QTGAL: variants seen among roughly 807,000 people sequenced by gnomAD.
QTGAL encodes queuosine-tRNA galactosyltransferase.
the QTGAL span, among the ~76,000 whole-genome samples, chr17:83,012,798 T>G: frequency 1.1e-4 from 17 of 151,792 alleles, no homozygotes; most frequent in African/African-American, 3.9e-4. Flanking sequence ...TTCCCCCTAT[T>G]CCCCACAAAG....
At chr17:83,024,399 C>T in the QTGAL span, among the ~76,000 whole-genome samples, 1 of 152,260 alleles carries the variant, frequency 6.6e-6, no homozygotes, top group Non-Finnish European at 1.5e-5. Context: ...CCTCCAAGAC[C>T]ACACGGCGGT....
chr17:83,020,048 T>C, the QTGAL span, among the ~76,000 whole-genome samples: 1 of 152,106 alleles, frequency 6.6e-6, no homozygotes, highest in Non-Finnish European at 1.5e-5. Context: ...ATAGAACTAT[T>C]AGAACTAAAA....
chr17:83,011,674 G>A, the QTGAL span, among the ~76,000 whole-genome samples: 40,403 of 152,108 alleles, frequency 0.27, 5,478 homozygotes, highest in Non-Finnish European at 0.29. Context: ...ACCTAACCGC[G>A]CCATTGGGAA....
At chr17:83,026,188 C>T in the QTGAL span, among the ~76,000 whole-genome samples, 61 of 152,200 alleles carry the variant, frequency 4.0e-4, no homozygotes, top group Non-Finnish European at 8.8e-5. Context: ...AGTGAACCCC[C>T]CGGAATTCTA....
the QTGAL span, among the ~76,000 whole-genome samples, chr17:82,991,020 G>T: frequency 1.3e-5 from 2 of 152,158 alleles, no homozygotes; most frequent in African/African-American, 4.8e-5. Context: ...CTAGCCTCTG[G>T]CATTTTGTTA....
the QTGAL span, among the ~76,000 whole-genome samples, chr17:82,973,597 G>C: frequency 1.3e-5 from 2 of 152,092 alleles, no homozygotes; most frequent in African/African-American, 4.8e-5. Flanking sequence ...GGGGTGGGGT[G>C]GGGGTGGACT....
At chr17:82,953,312 T>TA in the QTGAL span, among the ~76,000 whole-genome samples, 13 of 151,336 alleles carry the variant, frequency 8.6e-5, no homozygotes, top group East Asian at 1.6e-3. Flanking sequence ...GTAGACACAA[T>TA]AAAAAAAGAT....
chr17:82,961,677 G>A, the QTGAL span, among the ~76,000 whole-genome samples: 1 of 152,216 alleles, frequency 6.6e-6, no homozygotes, highest in African/African-American at 2.4e-5. Flanking sequence ...CAGTGGGGAG[G>A]CAGCCCCGGG....
At chr17:82,958,143 A>G in the QTGAL span, among the ~76,000 whole-genome samples, 1 of 151,202 alleles carries the variant, frequency 6.6e-6, no homozygotes, top group African/African-American at 2.4e-5. Flanking sequence ...CCTCTCCCTC[A>G]ACCCTGCTCC....
the QTGAL span, among the ~76,000 whole-genome samples, chr17:83,027,049 C>T: frequency 2.0e-5 from 3 of 147,472 alleles, no homozygotes; most frequent in South Asian, 2.2e-4. Context: ...TCGACAGACA[C>T]GCAGAGCAGG....
At chr17:83,051,762 T>A in the QTGAL span, 1 of 1,495,496 alleles carries the variant, frequency 6.7e-7, no homozygotes, top group East Asian at 2.8e-5. Context: ...GGCCTGGCTC[T>A]CCTCGGACGC....
the QTGAL span, among the ~76,000 whole-genome samples, chr17:82,963,857 T>C: frequency 4.2e-4 from 64 of 152,028 alleles, no homozygotes; most frequent in African/African-American, 1.2e-3. Flanking sequence ...TAAAAAAAAA[T>C]TGAATTGCAC....
At chr17:82,964,395 A>C in the QTGAL span, among the ~76,000 whole-genome samples, 1 of 152,180 alleles carries the variant, frequency 6.6e-6, no homozygotes, top group Non-Finnish European at 1.5e-5. Flanking sequence ...TAATGAAAGA[A>C]GTGAAAAGGG....
the QTGAL span, chr17:82,961,047 G>C: frequency 6.2e-7 from 1 of 1,606,530 alleles, no homozygotes; most frequent in African/African-American, 1.3e-5. Context: ...GCCGGGCGGG[G>C]CTGACTCACT....
At chr17:83,034,173 CAG>C in the QTGAL span, among the ~76,000 whole-genome samples, 15 of 151,778 alleles carry the variant, frequency 9.9e-5, no homozygotes, top group Middle Eastern at 3.4e-3. Context: ...CTCCTGACCT[CAG>C]GTGATCCATC....
the QTGAL span, chr17:83,035,111 A>G: frequency 6.2e-7 from 1 of 1,607,982 alleles, no homozygotes; most frequent in African/African-American, 1.3e-5. Flanking sequence ...TGTGGAAAAA[A>G]GAAGAGCAAA....
At chr17:82,988,877 A>G in the QTGAL span, among the ~76,000 whole-genome samples, 1 of 152,242 alleles carries the variant, frequency 6.6e-6, no homozygotes, top group African/African-American at 2.4e-5. Flanking sequence ...GCTGTGGAGA[A>G]GTAGGGATGC....
chr17:83,035,173 T>C, the QTGAL span: 2 of 1,290,434 alleles, frequency 1.5e-6, no homozygotes, highest in Non-Finnish European at 2.2e-6. Context: ...GAGCTTAGTA[T>C]ATGATATTCT....
the QTGAL span, chr17:82,957,219 T>C: frequency 3.7e-6 from 6 of 1,614,040 alleles, no homozygotes; most frequent in African/African-American, 4.0e-5. Flanking sequence ...TTCCTGATCT[T>C]GTTCTCGTCC....
Sources: allele counts gnomAD v4.1 joint callset (sites outside exome capture counted in the v4.1 genomes callset), GRCh38; gene constraint gnomAD v4.1.1; transcripts MANE v1.5; gene names NCBI Gene and HGNC (gene_info 2026-07-23, HGNC 2026-07-21).